Variants in CDH12 observed in about 807,000 individuals in gnomAD.
CDH12 encodes cadherin 12.
A neutral mutation model predicts 74.1 loss-of-function variants in CDH12; 41 were observed. The ratio of observed to expected loss-of-function variants is 0.55; its 90% CI spans 0.43 to 0.72. CDH12 has a LOEUF of 0.72. Ranked by LOEUF, CDH12 falls within the 30% of genes least tolerant of loss-of-function variation. CDH12 has a pLI of 0.00. For missense variants in CDH12, 945 were observed against 977.2 expected (o/e 0.97, Z 0.44); for synonymous variants, 399 against 355.0 (o/e 1.12, Z -1.39).
At chr5:21,966,156 ACG>A (rs1756571693) in intron 6 of CDH12, among the ~76,000 whole-genome samples, 1 of 130,392 alleles carries the variant, frequency 7.7e-6, no homozygotes, top group Non-Finnish European at 1.6e-5. Context: ...TTCTATTTTT[ACG>A]TTTTTTTTTT....
chr5:22,811,643 T>C (rs1205903060), intron 1 of CDH12, among the ~76,000 whole-genome samples: 1 of 152,160 alleles, frequency 6.6e-6, no homozygotes, highest in Non-Finnish European at 1.5e-5. Context: ...TTGAGAAATG[T>C]TTATTTTAAA....
Position 21,806,998 on chromosome 5 carries a change from C to T in CDH12, c.1003-4578G>A, listed in dbSNP as rs75213015. On this transcript the variant is annotated intron_variant, in intron 9 of 14. Transcript: ENST00000382254. ...GATAGTGGCCTGAATTCTGCTAAAACATAGGTAGTTTCTATAGTCTCTTAC... is the reference window on the plus strand; with the variant it reads ...GATAGTGGCCTGAATTCTGCTAAAATATAGGTAGTTTCTATAGTCTCTTAC... Among the ~76,000 whole-genome samples, 34 of 152,274 alleles carry T rather than the reference C, an allele frequency of 2.2e-4. No individual in the cohort carries two copies. The East Asian group carries it at 6.6e-3, about 29-fold the overall frequency.
chr5:22,388,047 T>G (rs1742075613), intron 3 of CDH12, among the ~76,000 whole-genome samples: 2 of 152,174 alleles, frequency 1.3e-5, no homozygotes, highest in Non-Finnish European at 2.9e-5. Flanking sequence ...ATATGATGCC[T>G]AAGAAGACTA....
intron 1 of CDH12, among the ~76,000 whole-genome samples, chr5:22,831,807 G>T (rs1362671529): frequency 6.6e-6 from 1 of 151,982 alleles, no homozygotes; most frequent in Non-Finnish European, 1.5e-5. Context: ...CTGAGGCAGA[G>T]AATTGCTTGA....
intron 4 of CDH12, among the ~76,000 whole-genome samples, chr5:22,205,675 A>C (rs1159776024): frequency 1.3e-5 from 2 of 152,156 alleles, no homozygotes; most frequent in Non-Finnish European, 2.9e-5. Flanking sequence ...TTGAACTGAC[A>C]AATAAGAAAG....
chr5:22,584,565 C>A (rs776706352), intron 1 of CDH12, among the ~76,000 whole-genome samples: 4 of 152,060 alleles, frequency 2.6e-5, no homozygotes, highest in Non-Finnish European at 4.4e-5. Context: ...GTGTTACAAA[C>A]AATGCTGCAA....
At chr5:22,708,466 C>T (rs1743131016) in intron 1 of CDH12, among the ~76,000 whole-genome samples, 1 of 152,044 alleles carries the variant, frequency 6.6e-6, no homozygotes, top group Non-Finnish European at 1.5e-5. Flanking sequence ...AAAGGATTGA[C>T]CACACTGAGT....
At chr5:21,857,544 A>ATATT (rs1385341164) in intron 6 of CDH12, among the ~76,000 whole-genome samples, 29 of 151,964 alleles carry the variant, frequency 1.9e-4, no homozygotes, top group Admixed American at 1.7e-3. Flanking sequence ...TATAGTAATA[A>ATATT]CTATATTCTA....
chr5:22,783,529 T>A (rs1350509731), intron 1 of CDH12, among the ~76,000 whole-genome samples: 2 of 152,186 alleles, frequency 1.3e-5, no homozygotes, highest in Non-Finnish European at 2.9e-5. Context: ...TTTCTAGAGT[T>A]ATACAACTGG....
intron 5 of CDH12, among the ~76,000 whole-genome samples, chr5:21,989,757 A>C (rs1302980714): frequency 6.6e-6 from 1 of 152,204 alleles, no homozygotes; most frequent in Non-Finnish European, 1.5e-5. Flanking sequence ...TGATTTCCAA[A>C]TCAATGGTTT....
chr5:22,842,543 A>C (rs1288900874), intron 1 of CDH12, among the ~76,000 whole-genome samples: 1 of 152,132 alleles, frequency 6.6e-6, no homozygotes, highest in Non-Finnish European at 1.5e-5. Flanking sequence ...ATGGGGTAAT[A>C]ACCAAAGATT....
intron 1 of CDH12, among the ~76,000 whole-genome samples, chr5:22,840,941 G>A (rs1458644365): frequency 6.6e-6 from 1 of 152,098 alleles, no homozygotes; most frequent in Non-Finnish European, 1.5e-5. Context: ...AAAGCAAGAA[G>A]AGTTGGACAG....
At chr5:21,833,232 CATATAATATATATTATATATT>C (rs1749255427) in intron 8 of CDH12, among the ~76,000 whole-genome samples, 1 of 34,818 alleles carries the variant, frequency 2.9e-5, no homozygotes, top group Non-Finnish European at 4.0e-5. Context: ...TGTTATATAA[CATATAATATATATTATATATT>C]ATATAACATA....
chr5:22,648,569 C>G lies in CDH12; in HGVS notation c.-522-143205G>C, dbSNP rs373547616. ...CTCTACCGATATCCCTTCCATGACC[C>G]TTCCTACCTGTTTTTCACATACACG... On this transcript the variant is annotated intron_variant, in intron 1 of 14. Coordinates refer to ENST00000382254, the MANE Select transcript of CDH12 (RefSeq NM_004061.5). 6.3e-4 allele frequency among the ~76,000 whole-genome samples: 95 copies of G among 151,744 alleles called. No homozygotes were observed. In the East Asian group the frequency reaches 8.9e-3, roughly 14 times the overall value.
At chr5:22,094,887 AC>A (rs1223611997) in intron 4 of CDH12, among the ~76,000 whole-genome samples, 1 of 151,724 alleles carries the variant, frequency 6.6e-6, no homozygotes, top group Non-Finnish European at 1.5e-5. Context: ...CCAGAGAACA[AC>A]CCCTCTTTGA....
At chr5:22,205,475 T>G (rs185361219) in intron 4 of CDH12, among the ~76,000 whole-genome samples, 1 of 152,152 alleles carries the variant, frequency 6.6e-6, no homozygotes, top group Non-Finnish European at 1.5e-5. Context: ...ATTTATATTA[T>G]CACAATGATG....
At chr5:22,218,583 A>G (rs1751904724) in intron 3 of CDH12, among the ~76,000 whole-genome samples, 1 of 151,800 alleles carries the variant, frequency 6.6e-6, no homozygotes, top group African/African-American at 2.4e-5. Context: ...TGAAGTTGGA[A>G]TGAGAAATTG....
At chr5:22,564,262 T>C (rs1355095849) in intron 1 of CDH12, among the ~76,000 whole-genome samples, 1 of 152,220 alleles carries the variant, frequency 6.6e-6, no homozygotes, top group Non-Finnish European at 1.5e-5. Context: ...CCTGAAACTA[T>C]TTTGGAGTTC....
intron 3 of CDH12, among the ~76,000 whole-genome samples, chr5:22,302,568 C>G (rs1737933159): frequency 6.6e-6 from 1 of 151,954 alleles, no homozygotes; most frequent in Admixed American, 6.6e-5. Context: ...ATGCAATTCT[C>G]AATTTTGGAT....
Sources: allele counts gnomAD v4.1 joint callset (sites outside exome capture counted in the v4.1 genomes callset), GRCh38; gene constraint gnomAD v4.1.1; transcripts MANE v1.5; gene names NCBI Gene and HGNC (gene_info 2026-07-23, HGNC 2026-07-21).